CEP72: variants seen among roughly 807,000 people sequenced by gnomAD.
CEP72 encodes the protein centrosomal protein 72, also known as centrosomal protein of 72 kDa.
A neutral mutation model predicts 65.7 loss-of-function variants in CEP72; 78 were observed. The ratio of observed to expected loss-of-function variants is 1.19; its 90% CI spans 0.99 to 1.43. The LOEUF (loss-of-function observed/expected upper bound fraction) is 1.43, where lower values mean the gene tolerates loss of function less well. CEP72 is among the 40% of genes most tolerant of loss of function. The pLI is 0.00. For missense variants in CEP72, 914 were observed against 832.9 expected (o/e 1.10, Z -1.20); for synonymous variants, 358 against 351.7 (o/e 1.02, Z -0.20).
At position 644,124 on chromosome 5, in the gene CEP72, C is replaced by G. The variant is rs76609063; in HGVS notation, c.1540-175C>G. The G allele has an allele frequency of 6.8e-4, 452 of 664,340 alleles. 3 individuals carry two copies. The African/African-American group carries it at 7.4e-3, about 11-fold the overall frequency. The allele number at this position is 664,340 out of a possible 1,614,324, so 41.2% of individuals were successfully genotyped here. A position where few individuals can be genotyped will look rare whatever the true frequency, so the allele number is the denominator to read the frequency against. On this transcript the variant is annotated intron_variant, in intron 9 of 11. Transcript: ENST00000264935. Reference sequence around the variant, plus strand: ...CCCCTGAGGGTGCTGCAGGGCTGGGCAGGGCGGGCTGGGAGCAGGGAGATG... The same window carrying G: ...CCCCTGAGGGTGCTGCAGGGCTGGGGAGGGCGGGCTGGGAGCAGGGAGATG...
chr5:617,304 C>T (rs185696074), intron 1 of CEP72, among the ~76,000 whole-genome samples: 8 of 152,236 alleles, frequency 5.3e-5, no homozygotes, highest in Admixed American at 4.6e-4. Context: ...GTCTAATATG[C>T]GGGAGGAGCA....
At chr5:620,827 A>C (rs1242212248) in intron 3 of CEP72, among the ~76,000 whole-genome samples, 1 of 152,226 alleles carries the variant, frequency 6.6e-6, no homozygotes, top group Non-Finnish European at 1.5e-5. Flanking sequence ...AGCGATGCCC[A>C]GTAGGGAGGG....
intron 4 of CEP72, among the ~76,000 whole-genome samples, chr5:628,097 G>A (rs757862534): frequency 2.6e-5 from 4 of 152,212 alleles, no homozygotes; most frequent in Non-Finnish European, 4.4e-5. Flanking sequence ...ATGCTTCATA[G>A]CACAGTGGCA....
intron 9 of CEP72, 118 bp downstream of exon 9, chr5:640,722 C>A (rs1321846672): frequency 6.9e-7 from 1 of 1,446,512 alleles, no homozygotes; most frequent in Non-Finnish European, 9.1e-7. Context: ...TCTCTGCAGC[C>A]CCATGTCTCC....
Position 649,835 on chromosome 5 carries a change from G to A in CEP72, c.1778+1919G>A, listed in dbSNP as rs578179429. ...GACTGTGAGGTGTGGACTGTGAGGC[G>A]TGACTGTGAGGCGTGACTGTGAGGC... On this transcript the variant is annotated intron_variant, in intron 11 of 11. Coordinates refer to ENST00000264935, the MANE Select transcript of CEP72 (RefSeq NM_018140.4). 3.5e-3 allele frequency among the ~76,000 whole-genome samples: 317 copies of A among 90,504 alleles called. 17 individuals carry two copies. Among genetic ancestry groups the A allele is most frequent in the Non-Finnish European group, 6.3e-3 (246 of 39,308 alleles). 59.4% of individuals were successfully genotyped at this position (90,504 alleles called of 152,430 possible). A position where few individuals can be genotyped will look rare whatever the true frequency, so the allele number is the denominator to read the frequency against.
At chr5:640,037 C>G (rs970694206) in intron 8 of CEP72, among the ~76,000 whole-genome samples, 5 of 152,192 alleles carry the variant, frequency 3.3e-5, no homozygotes, top group Non-Finnish European at 5.9e-5. Context: ...GGGGACTGTC[C>G]CAGGCCCAGG....
At chr5:641,191 G>A (rs976856948) in intron 9 of CEP72, 21 of 985,178 alleles carry the variant, frequency 2.1e-5, no homozygotes, top group South Asian at 1.4e-4. Context: ...TGGGGCCACC[G>A]TCTCATCTGA....
At chr5:672,849 C>A in the CEP72 span, among the ~76,000 whole-genome samples, 6 of 152,230 alleles carry the variant, frequency 3.9e-5, no homozygotes, top group African/African-American at 1.4e-4. Context: ...TCAACAAAAA[C>A]CTGGCGTAAG....
rs377370830 is a variant in CEP72, at chr5:637,914, C to A, written c.1206+96C>A. The A allele has an allele frequency of 7.6e-6, 9 of 1,188,008 alleles. No individual in the cohort carries two copies. In the African/African-American group the frequency reaches 1.2e-4, roughly 16 times the overall value. The allele number at this position is 1,188,008 out of a possible 1,614,324, so 73.6% of individuals were successfully genotyped here. ...CGGGGCCGTGATTACGCCTGCGGCA[C>A]TGACTGTGTCCCTCCCTGATGCAGG... is the stretch of plus-strand genomic sequence containing the variant. On this transcript the variant is annotated intron_variant, in intron 7 of 11. Coordinates refer to ENST00000264935, the MANE Select transcript of CEP72 (RefSeq NM_018140.4).
rs76019055 is a variant in CEP72, at chr5:643,134, G to C, written c.1540-1165G>C. 1.5e-3 allele frequency: 1,441 copies of C among 972,928 alleles called. 24 individuals are homozygous for C. In the African/African-American group the frequency reaches 0.024, roughly 16 times the overall value. The allele number at this position is 972,928 out of a possible 1,614,324, so 60.3% of individuals were successfully genotyped here. A position where few individuals can be genotyped will look rare whatever the true frequency, so the allele number is the denominator to read the frequency against. ...GGAGGTAGAGGCAGGAGGCTCAGGA[G>C]TTGGGGGCTGCAGTGAGCTGTGATT... On this transcript the variant is annotated intron_variant, in intron 9 of 11. Coordinates refer to ENST00000264935, the MANE Select transcript of CEP72 (RefSeq NM_018140.4).
rs574808916 is a variant in CEP72 at position 643,993 on chromosome 5, A to G, written c.1540-306A>G. 630 of 297,270 alleles carry G rather than the reference A, an allele frequency of 2.1e-3. 1 individual carries two copies. Among genetic ancestry groups the G allele is most frequent in the Non-Finnish European group, 2.9e-3 (461 of 158,408 alleles). 18.4% of individuals were successfully genotyped at this position (297,270 alleles called of 1,614,324 possible). On this transcript the variant is annotated intron_variant, in intron 9 of 11. Coordinates refer to ENST00000264935, the MANE Select transcript of CEP72 (RefSeq NM_018140.4). ...ACCGCCACCAGCTGCCCTGCCCAGC[A>G]TCAGGCCTGCAGGTCCTGCTGGAGC...
chr5:672,953 A>ACCC, the CEP72 span, among the ~76,000 whole-genome samples: 3 of 152,188 alleles, frequency 2.0e-5, no homozygotes, highest in Admixed American at 1.3e-4. Flanking sequence ...GCTCGCAGAT[A>ACCC]CCCCGAGCTG....
intron 2 of CEP72, chr5:664,937 G>T (rs1561079180): frequency 2.7e-6 from 2 of 740,468 alleles, no homozygotes; most frequent in Non-Finnish European, 2.2e-6. Flanking sequence ...GGGGCATCCG[G>T]TAGGAGGAGG....
chr5:613,478 C>T (rs1055378654), intron 1 of CEP72, among the ~76,000 whole-genome samples: 5 of 152,116 alleles, frequency 3.3e-5, no homozygotes, highest in Non-Finnish European at 7.3e-5. Context: ...TCAAGTGATT[C>T]ACTCAGCCTC....
intron 5 of CEP72, among the ~76,000 whole-genome samples, chr5:634,274 AG>A (rs530561233): frequency 1.3e-3 from 203 of 152,302 alleles, no homozygotes; most frequent in African/African-American, 4.3e-3. Context: ...CGGCAGCTGC[AG>A]GGGGGCATAG....
At chr5:666,153 G>C (rs1448311654) in intron 4 of CEP72, 1 of 1,601,916 alleles carries the variant, frequency 6.2e-7, no homozygotes. Context: ...TTAGGGCTGG[G>C]CGCGGGCCGG....
chr5:666,227 A>G, intron 4 of CEP72: 1 of 1,372,182 alleles, frequency 7.3e-7, no homozygotes, highest in East Asian at 2.3e-5. Flanking sequence ...CCAGCAGCCC[A>G]CAGGCTTCAC....
chr5:633,952 G>A lies in CEP72; in HGVS notation c.691+5G>A, dbSNP rs775340730. 3.7e-6 allele frequency: 6 copies of A among 1,610,198 alleles called. No homozygotes were observed. The highest frequency in any genetic ancestry group is 4.5e-5 in the East Asian group (2 of 44,870). On this transcript the variant is annotated splice_donor_5th_base_variant and intron_variant, in intron 5 of 11. Coordinates refer to ENST00000264935, the MANE Select transcript of CEP72 (RefSeq NM_018140.4). ...CCGACTCTCGTGGTTCCCAAGGTGCGCTGCTCATCTGCCAGGAGGCCAGTG... is the reference window on the plus strand; with the variant it reads ...CCGACTCTCGTGGTTCCCAAGGTGCACTGCTCATCTGCCAGGAGGCCAGTG...
At chr5:648,714 C>T (rs139627161) in intron 11 of CEP72, among the ~76,000 whole-genome samples, 2 of 64,192 alleles carry the variant, frequency 3.1e-5, no homozygotes, top group Non-Finnish European at 6.3e-5. Flanking sequence ...TGAGGCGTGA[C>T]TGTGAGGCGT....
Sources: gnomAD v4.1 joint callset for allele counts (sites outside exome capture counted in the v4.1 genomes callset) on GRCh38, gnomAD v4.1.1 for gene constraint, MANE v1.5 for transcripts, NCBI Gene and HGNC (gene_info 2026-07-23, HGNC 2026-07-21) for gene names.